Variants in PKD2 observed in about 807,000 individuals in gnomAD.
PKD2 encodes the protein polycystin 2, transient receptor potential cation channel.
In PKD2, 48 loss-of-function variants were observed where a neutral mutation model predicts 105.9. The observed-to-expected ratio is 0.45, with a 90% CI of 0.36 to 0.58. PKD2 has a LOEUF of 0.58. Among genes scored for constraint, PKD2 ranks in the 20% least tolerant of loss-of-function variants. PKD2 has a pLI of 0.00. For synonymous variants in PKD2, 464 were observed against 481.1 expected, an observed-to-expected ratio of 0.96 and a Z score of 0.46; for missense variants, 1,078 against 1,255.3, an observed-to-expected ratio of 0.86 and a Z score of 2.13.
In PKD2 at chr4:88,043,324, T is replaced by C. The variant is rs1560611927; in HGVS notation, c.1186T>C (p.Ser396Pro). The C allele has an allele frequency of 6.2e-7, 1 of 1,613,786 alleles. No individual in the cohort carries two copies. The highest frequency in any genetic ancestry group is 2.2e-5 in the East Asian group (1 of 44,868). ...TGGAGCTGGCTATTATCTGGATTTGTCAAGAACAAGAGAGGAAACAGCTGC... is the reference window on the plus strand; with the variant it reads ...TGGAGCTGGCTATTATCTGGATTTGCCAAGAACAAGAGAGGAAACAGCTGC... ...YSGAGYYLDL[S>P]RTREETAAQV... The change falls in exon 5 of 15, where the codon TCA (serine) becomes CCA (proline). Residue 396 changes from serine (S) to proline (P), a missense_variant. Transcript: ENST00000237596.
intron 4 of PKD2, among the ~76,000 whole-genome samples, chr4:88,041,976 A>G (rs1727581463): frequency 6.6e-6 from 1 of 152,264 alleles, no homozygotes; most frequent in East Asian, 1.9e-4. Context: ...TGCCTCTTAG[A>G]ACTTTCCCTT....
chr4:88,035,867 C>T (rs145448252), intron 2 of PKD2, among the ~76,000 whole-genome samples: 125 of 152,218 alleles, frequency 8.2e-4, no homozygotes, highest in African/African-American at 2.5e-3. Context: ...GCAGATCAGC[C>T]TCACTGGCAG....
intron 4 of PKD2, among the ~76,000 whole-genome samples, chr4:88,041,057 C>A (rs961371994): frequency 6.6e-6 from 1 of 152,202 alleles, no homozygotes; most frequent in Non-Finnish European, 1.5e-5. Flanking sequence ...AGACACATCT[C>A]TATTCCACCT....
intron 1 of PKD2, 100 bp downstream of exon 1, chr4:88,008,428 C>T: frequency 1.4e-6 from 2 of 1,398,122 alleles, no homozygotes; most frequent in Non-Finnish European, 1.9e-6. Flanking sequence ...CTCCATCTCG[C>T]ATCCCCTCTG....
chr4:88,008,629 GGTTTT>G (rs1197764147), intron 1 of PKD2, among the ~76,000 whole-genome samples: 10 of 151,854 alleles, frequency 6.6e-5, no homozygotes, highest in Non-Finnish European at 1.5e-4. Flanking sequence ...AGTACATCTG[GGTTTT>G]GTTTTTTTTT....
intron 8 of PKD2, among the ~76,000 whole-genome samples, 198 bp downstream of exon 8, chr4:88,056,465 A>T (rs533133203): frequency 6.6e-6 from 1 of 152,368 alleles, no homozygotes; most frequent in Admixed American, 6.5e-5. Context: ...CTGATGCTTA[A>T]GATAGCAGCC....
chr4:88,059,745 G>GTACATACATACA (rs35787437), intron 9 of PKD2, among the ~76,000 whole-genome samples: 2,114 of 150,208 alleles, frequency 0.014, 21 homozygotes, highest in African/African-American at 0.026. Context: ...ACATACATAC[G>GTACATACATACA]TACATACATA....
intron 2 of PKD2, among the ~76,000 whole-genome samples, chr4:88,027,819 G>A (rs1018043226): frequency 3.1e-5 from 1 of 32,650 alleles, no homozygotes; most frequent in African/African-American, 1.4e-4. Context: ...TGGTTTTTTG[G>A]TAAGTGTCTG....
chr4:88,051,983 CT>C lies in PKD2; in HGVS notation c.1549-4del, dbSNP rs763927072. On this transcript the variant is annotated splice_region_variant and splice_polypyrimidine_tract_variant and intron_variant, in intron 6 of 14. Coordinates refer to ENST00000237596, the MANE Select transcript of PKD2 (RefSeq NM_000297.4). The stretch of plus-strand genomic sequence containing the variant: ...ACTGTAATAAAATATAAATATTTTG[CT>C]TTTCAGCTGTCAGTGGTAGCTATAG... 6.6e-7 allele frequency: 1 copy of C among 1,511,094 alleles called. No homozygotes were observed. The highest frequency in any genetic ancestry group is 2.3e-5 in the East Asian group (1 of 44,234). 93.6% of individuals were successfully genotyped at this position (1,511,094 alleles called of 1,614,324 possible). A position where few individuals can be genotyped will look rare whatever the true frequency, so the allele number is the denominator to read the frequency against.
rs370489860 is a variant in PKD2, at chr4:88,075,542, G to A, written c.2755G>A (p.Asp919Asn). 4.9e-5 allele frequency: 79 copies of A among 1,614,136 alleles called. No homozygotes were observed. In the East Asian group the frequency reaches 7.8e-4, roughly 16 times the overall value. Residue 919 changes from aspartate to asparagine, a missense_variant, in exon 15 of 15, where the codon GAT becomes AAT. Asp to Asn is a conservative substitution (Grantham distance 23). Transcript: ENST00000237596. ...TGAAGAGTTGGAACGCTGGGAATCC[G>A]ATGATGCAGCTTCCCAGATCAGTCA... is the stretch of plus-strand genomic sequence containing the variant. ...VREELERWES[D>N]DAASQISHGL... is the part of the protein sequence containing the mutation.
intron 4 of PKD2, among the ~76,000 whole-genome samples, chr4:88,041,919 C>T (rs146829283): frequency 3.5e-4 from 53 of 152,266 alleles, no homozygotes; most frequent in African/African-American, 1.2e-3. Flanking sequence ...CCCTCTGTTC[C>T]TCCCCACTCC....
At chr4:88,053,702 CTATT>C (rs546456999) in intron 7 of PKD2, among the ~76,000 whole-genome samples, 191 of 151,606 alleles carry the variant, frequency 1.3e-3, no homozygotes, top group Non-Finnish European at 9.1e-4. Flanking sequence ...ATTTCTCATG[CTATT>C]TATTTATTGA....
chr4:88,010,663 A>G (rs1726353834), intron 1 of PKD2, among the ~76,000 whole-genome samples: 1 of 152,224 alleles, frequency 6.6e-6, no homozygotes, highest in African/African-American at 2.4e-5. Context: ...GTGACTTTGT[A>G]TAGCTCCCTC....
intron 13 of PKD2, among the ~76,000 whole-genome samples, chr4:88,073,242 C>T (rs536995123): frequency 1.3e-3 from 193 of 149,512 alleles, no homozygotes; most frequent in African/African-American, 4.5e-3. Flanking sequence ...GTGGGAAAGC[C>T]GGGCACAGTG....
chr4:88,026,718 C>T (rs1408718611), intron 2 of PKD2, among the ~76,000 whole-genome samples: 1 of 152,198 alleles, frequency 6.6e-6, no homozygotes, highest in Non-Finnish European at 1.5e-5. Flanking sequence ...ACAACACAAG[C>T]CTGGAGGCCT....
At chr4:88,009,664 T>G (rs1322094861) in intron 1 of PKD2, among the ~76,000 whole-genome samples, 1 of 152,240 alleles carries the variant, frequency 6.6e-6, no homozygotes, top group Non-Finnish European at 1.5e-5. Context: ...ACTAGTTAAT[T>G]TTATTAAAAG....
intron 2 of PKD2, 31 bp from the exon 3 acceptor site, chr4:88,036,189 G>C: frequency 6.2e-7 from 1 of 1,613,572 alleles, no homozygotes; most frequent in Non-Finnish European, 8.5e-7. Flanking sequence ...GGTTCCCTTG[G>C]GGCGTTCATT....
rs182468664 is a variant in PKD2 at position 88,077,694 on chromosome 4, G to T, written c.*2000G>T. The T allele has an allele frequency of 5.9e-5, 9 of 152,112 alleles. No homozygotes were observed. Among genetic ancestry groups the T allele is most frequent in the Admixed American group, 4.6e-4 (7 of 15,278 alleles). 9.4% of individuals were successfully genotyped at this position (152,112 alleles called of 1,614,324 possible). On this transcript the variant is annotated 3_prime_UTR_variant, in exon 15 of 15. Coordinates refer to ENST00000237596, the MANE Select transcript of PKD2 (RefSeq NM_000297.4). ...GTATTATTAAAAAGACATTACATAC[G>T]CAAGTCTTTCTCGACAATCAAGAAT...
chr4:88,009,021 GTATGTT>G (rs1265915117), intron 1 of PKD2, among the ~76,000 whole-genome samples: 1 of 152,186 alleles, frequency 6.6e-6, no homozygotes, highest in Non-Finnish European at 1.5e-5. Flanking sequence ...AAAATTTGAA[GTATGTT>G]TTTAAATAAC....
Sources: gnomAD v4.1 joint callset for allele counts (sites outside exome capture counted in the v4.1 genomes callset) on GRCh38, gnomAD v4.1.1 for gene constraint, MANE v1.5 for transcripts, NCBI Gene and HGNC (gene_info 2026-07-23, HGNC 2026-07-21) for gene names.